The following ROBO2 variants were observed in gnomAD, a reference collection of about 807,000 sequenced individuals.
ROBO2 encodes the protein roundabout guidance receptor 2.
In ROBO2, 53 loss-of-function variants were observed where a neutral mutation model predicts 160.8. The ratio of observed to expected loss-of-function variants is 0.33; its 90% CI spans 0.26 to 0.41. ROBO2 has a LOEUF of 0.41. ROBO2 is among the 10% of genes least tolerant of loss of function. The pLI is 1.00. For synonymous variants in ROBO2, 664 were observed against 611.7 expected, an observed-to-expected ratio of 1.09 and a Z score of -1.26; for missense variants, 1,577 against 1,722.4, an observed-to-expected ratio of 0.92 and a Z score of 1.49.
At chr3:77,633,718 C>G (rs1353066848) in intron 23 of ROBO2, 2 of 152,162 alleles carry the variant, frequency 1.3e-5, no homozygotes, top group African/African-American at 4.8e-5. Flanking sequence ...ATCTTCTAAG[C>G]ATTGCAGAGG....
intron 2 of ROBO2, among the ~76,000 whole-genome samples, chr3:77,154,629 A>G (rs1321313548): frequency 6.6e-6 from 1 of 152,100 alleles, no homozygotes. Context: ...CAAGGTGACC[A>G]TCGGCGGTGG....
chr3:76,685,469 AAAGT>A (rs1376650798), intron 2 of ROBO2, among the ~76,000 whole-genome samples: 1 of 152,274 alleles, frequency 6.6e-6, no homozygotes, highest in Non-Finnish European at 1.5e-5. Context: ...CAAAGTATGA[AAAGT>A]AAGAACAAAC....
chr3:77,027,162 T>A (rs1204382933), intron 2 of ROBO2, among the ~76,000 whole-genome samples: 1 of 152,244 alleles, frequency 6.6e-6, no homozygotes, highest in Non-Finnish European at 1.5e-5. Flanking sequence ...TGAAGCACTA[T>A]TATTTTGAGG....
chr3:76,886,020 C>A (rs2073845589), intron 2 of ROBO2, among the ~76,000 whole-genome samples: 1 of 152,030 alleles, frequency 6.6e-6, no homozygotes, highest in South Asian at 2.1e-4. Context: ...TTATTTTTTC[C>A]TTCCCCCAAG....
chr3:76,118,602 C>T (rs1382067601), intron 2 of ROBO2, among the ~76,000 whole-genome samples: 9 of 152,220 alleles, frequency 5.9e-5, no homozygotes, highest in African/African-American at 1.4e-4. Flanking sequence ...TTGGATCGCA[C>T]TTGGCTCAGA....
chr3:77,643,082 G>A, intron 24 of ROBO2, 139 bp downstream of exon 26: 2 of 381,044 alleles, frequency 5.2e-6, no homozygotes, highest in East Asian at 1.4e-4. Flanking sequence ...TTCCTTAGGA[G>A]ATTTTACCAG....
intron 2 of ROBO2, among the ~76,000 whole-genome samples, chr3:76,225,028 A>G (rs1452269292): frequency 2.0e-5 from 3 of 152,192 alleles, no homozygotes; most frequent in South Asian, 4.1e-4. Flanking sequence ...CTTCTAACAG[A>G]AAGTAACTAT....
intron 2 of ROBO2, among the ~76,000 whole-genome samples, chr3:76,980,846 C>T (rs577220240): frequency 2.6e-5 from 4 of 152,246 alleles, no homozygotes; most frequent in African/African-American, 7.2e-5. Flanking sequence ...AATCCTCTCT[C>T]CCTCCCCAGC....
At chr3:76,748,135 C>T (rs1044741039) in intron 2 of ROBO2, among the ~76,000 whole-genome samples, 1 of 151,874 alleles carries the variant, frequency 6.6e-6, no homozygotes, top group Non-Finnish European at 1.5e-5. Flanking sequence ...CAGCCTATAC[C>T]TTTCAATCCA....
chr3:76,455,414 A>G (rs1250604575), intron 2 of ROBO2, among the ~76,000 whole-genome samples: 1 of 152,104 alleles, frequency 6.6e-6, no homozygotes, highest in Non-Finnish European at 1.5e-5. Flanking sequence ...TAAATTTATA[A>G]TTTTCATGCT....
intron 2 of ROBO2, among the ~76,000 whole-genome samples, chr3:77,360,643 C>T (rs928171196): frequency 6.6e-6 from 1 of 150,384 alleles, no homozygotes. Context: ...TTTAACAAAA[C>T]TGTAACATGT....
chr3:76,590,128 C>T (rs2086321962), intron 2 of ROBO2, among the ~76,000 whole-genome samples: 1 of 151,934 alleles, frequency 6.6e-6, no homozygotes, highest in Non-Finnish European at 1.5e-5. Context: ...CAATTTTTAG[C>T]CAGTTTGTGC....
At chr3:77,335,402 G>A (rs764682209) in intron 2 of ROBO2, among the ~76,000 whole-genome samples, 30 of 152,090 alleles carry the variant, frequency 2.0e-4, no homozygotes, top group African/African-American at 5.3e-4. Context: ...GGGAAACTCC[G>A]TCTCAAAACA....
intron 21 of ROBO2, among the ~76,000 whole-genome samples, chr3:77,610,445 T>C (rs2094605491): frequency 1.3e-5 from 2 of 152,032 alleles, no homozygotes; most frequent in South Asian, 4.1e-4. Flanking sequence ...GTGGAAGAAC[T>C]AATAATCTCC....
At chr3:76,575,607 C>A (rs1454439175) in intron 2 of ROBO2, among the ~76,000 whole-genome samples, 1 of 151,854 alleles carries the variant, frequency 6.6e-6, no homozygotes, top group Non-Finnish European at 1.5e-5. Flanking sequence ...CCTTTTGGGC[C>A]AAAAAATACG....
intron 2 of ROBO2, among the ~76,000 whole-genome samples, chr3:76,567,594 C>T (rs1472719470): frequency 8.8e-6 from 1 of 113,406 alleles, no homozygotes; most frequent in East Asian, 2.6e-4. Context: ...TCACATTAGG[C>T]TATATTTATG....
At chr3:76,479,531 A>G (rs894204211) in intron 2 of ROBO2, among the ~76,000 whole-genome samples, 17 of 152,174 alleles carry the variant, frequency 1.1e-4, no homozygotes, top group African/African-American at 4.1e-4. Context: ...TCTGTTTATA[A>G]TATTTCCAGC....
rs181403324 is a variant in ROBO2, at chr3:76,788,646, C to A, written c.110-309368C>A. ...TACTTTAAATTATATCCATTTCAGG[C>A]ATGGCTTTATAATAACCATAGAAAT... On this transcript the variant is annotated intron_variant, in intron 2 of 26. Transcript: ENST00000487694. Among the ~76,000 whole-genome samples, 3 of 151,586 alleles carry A rather than the reference C, an allele frequency of 2.0e-5. No homozygotes were observed. In the East Asian group the frequency reaches 5.9e-4, roughly 30 times the overall value.
chr3:75,973,903 T>C (rs1576346770), intron 2 of ROBO2, among the ~76,000 whole-genome samples: 1 of 150,960 alleles, frequency 6.6e-6, no homozygotes, highest in Non-Finnish European at 1.5e-5. Context: ...AAAAAAATCA[T>C]AAAAAAGAAG....
Sources: allele counts gnomAD v4.1 joint callset (sites outside exome capture counted in the v4.1 genomes callset), GRCh38; gene constraint gnomAD v4.1.1; transcripts MANE v1.5; gene names NCBI Gene and HGNC (gene_info 2026-07-23, HGNC 2026-07-21).